The following FGF14 variants were observed in gnomAD, a reference collection of about 807,000 sequenced individuals.
The protein encoded by FGF14 is fibroblast growth factor homologous factor 4.
In FGF14, 5 loss-of-function variants were observed where a neutral mutation model predicts 25.5. The ratio of observed to expected loss-of-function variants is 0.20; its 90% confidence interval spans 0.10 to 0.41. The LOEUF (loss-of-function observed/expected upper bound fraction) is 0.41. Ranked by LOEUF, FGF14 falls within the 10% of genes least tolerant of loss-of-function variation. The pLI, the probability that FGF14 is intolerant of heterozygous loss-of-function variation, is 1.00. For missense variants in FGF14, 222 were observed against 320.1 expected (o/e 0.69, Z 2.34); for synonymous variants, 138 against 118.3 (o/e 1.17, Z -1.08).
intron 3 of FGF14, among the ~76,000 whole-genome samples, chr13:101,844,846 G>T (rs1193623886): frequency 6.6e-6 from 1 of 151,982 alleles, no homozygotes; most frequent in East Asian, 1.9e-4. Context: ...AAAGAGTTAT[G>T]GTGCAGAGTC....
chr13:102,072,822 T>A lies in FGF14; in HGVS notation c.209-197526A>T, dbSNP rs193170090. On this transcript the variant is annotated intron_variant, in intron 1 of 4. Transcript: ENST00000376131. ...GAAATAAGAGTTGTAAATTGAGGTC[T>A]CAAAATCAAATGTCTTACTGGAGGA... 2.6e-5 allele frequency among the ~76,000 whole-genome samples: 4 copies of A among 152,304 alleles called. No homozygotes were observed. The East Asian group carries it at 7.7e-4, about 29-fold the overall frequency.
chr13:101,715,608 G>T lies in FGF14; in HGVS notation c.*7223C>A. ...GGAAACTGTGAATGCTGGGATGGATGGAATGGAAATGCATGTGAAATCTGG... is the reference window on the plus strand; with the variant it reads ...GGAAACTGTGAATGCTGGGATGGATTGAATGGAAATGCATGTGAAATCTGG... On this transcript the variant is annotated 3_prime_UTR_variant, in exon 5 of 5. Coordinates refer to ENST00000376143, the MANE Select transcript of FGF14 (RefSeq NM_004115.4). 1 of 1,613,358 alleles carries T rather than the reference G, an allele frequency of 6.2e-7. No individual in the cohort carries two copies. The highest frequency in any genetic ancestry group is 8.5e-7 in the Non-Finnish European group (1 of 1,179,402).
At chr13:102,179,690 G>A (rs1013093051) in intron 1 of FGF14, among the ~76,000 whole-genome samples, 1 of 152,106 alleles carries the variant, frequency 6.6e-6, no homozygotes, top group African/African-American at 2.4e-5. Context: ...TTAAACACCT[G>A]TATGTTGGTT....
intron 1 of FGF14, among the ~76,000 whole-genome samples, chr13:102,281,895 C>G (rs2141217047): frequency 6.6e-6 from 1 of 152,130 alleles, no homozygotes; most frequent in East Asian, 1.9e-4. Context: ...ATGACCAGGT[C>G]AAGATTGATC....
intron 1 of FGF14, among the ~76,000 whole-genome samples, chr13:102,008,131 C>T (rs1670227671): frequency 1.3e-5 from 2 of 152,080 alleles, no homozygotes; most frequent in African/African-American, 2.4e-5. Context: ...CTATAATGAT[C>T]GCCAAGAGAA....
chr13:102,350,390 A>T (rs1327618453), intron 1 of FGF14, among the ~76,000 whole-genome samples: 3 of 151,996 alleles, frequency 2.0e-5, no homozygotes, highest in Non-Finnish European at 4.4e-5. Context: ...AAAAAAAAAA[A>T]AAATCATCTC....
At chr13:101,884,868 T>TAC (rs760286958) in intron 1 of FGF14, among the ~76,000 whole-genome samples, 7,380 of 73,168 alleles carry the variant, frequency 0.1, 204 homozygotes, top group African/African-American at 0.16. Flanking sequence ...GACACATACA[T>TAC]ACACACACAC....
At chr13:101,787,775 C>T (rs139675597) in intron 3 of FGF14, among the ~76,000 whole-genome samples, 42 of 152,322 alleles carry the variant, frequency 2.8e-4, no homozygotes, top group East Asian at 5.8e-4. Flanking sequence ...TGGGACTGTG[C>T]TTGGGTTTGG....
At chr13:102,105,253 A>G (rs2140300554) in intron 1 of FGF14, among the ~76,000 whole-genome samples, 1 of 152,298 alleles carries the variant, frequency 6.6e-6, no homozygotes, top group Non-Finnish European at 1.5e-5. Context: ...GTATTTTTCC[A>G]TTGTTTCAGG....
At chr13:102,159,209 T>A (rs1355261051) in intron 1 of FGF14, among the ~76,000 whole-genome samples, 1 of 148,418 alleles carries the variant, frequency 6.7e-6, no homozygotes, top group Non-Finnish European at 1.5e-5. Flanking sequence ...CATGAACATA[T>A]GAAAAACTAG....
chr13:102,393,051 G>A (rs2058471433), intron 1 of FGF14, among the ~76,000 whole-genome samples: 1 of 151,984 alleles, frequency 6.6e-6, no homozygotes. Flanking sequence ...AATCTTTGAC[G>A]CCCCCAAAGC....
intron 1 of FGF14, among the ~76,000 whole-genome samples, chr13:102,276,882 T>A (rs1007126216): frequency 6.6e-6 from 1 of 152,212 alleles, no homozygotes; most frequent in African/African-American, 2.4e-5. Flanking sequence ...TTACTTTGAC[T>A]AACTTGGTAG....
chr13:102,350,388 A>G (rs2138970339), intron 1 of FGF14, among the ~76,000 whole-genome samples: 1 of 152,092 alleles, frequency 6.6e-6, no homozygotes, highest in East Asian at 1.9e-4. Context: ...AAAAAAAAAA[A>G]AAAAATCATC....
intron 3 of FGF14, among the ~76,000 whole-genome samples, chr13:101,837,733 C>T (rs955198253): frequency 2.6e-5 from 4 of 152,016 alleles, no homozygotes; most frequent in African/African-American, 9.7e-5. Context: ...TTCAATTTAT[C>T]CTGAAATATA....
intron 1 of FGF14, among the ~76,000 whole-genome samples, chr13:102,317,778 C>G (rs72647477): frequency 0.045 from 6,799 of 152,192 alleles, 251 homozygotes; most frequent in East Asian, 0.13. Flanking sequence ...GCCTGCTTGG[C>G]CTTCTGTTAA....
chr13:102,217,457 A>G (rs1476594818), intron 1 of FGF14, among the ~76,000 whole-genome samples: 3 of 152,250 alleles, frequency 2.0e-5, no homozygotes, highest in Non-Finnish European at 4.4e-5. Context: ...AACTGTGCAG[A>G]AAATACCTCA....
chr13:102,023,675 A>T (rs1201145939), intron 1 of FGF14, among the ~76,000 whole-genome samples: 1 of 152,098 alleles, frequency 6.6e-6, no homozygotes, highest in East Asian at 1.9e-4. Flanking sequence ...TGGGCAATTC[A>T]TATCAATGGA....
At chr13:102,304,185 T>A (rs1204238494) in intron 1 of FGF14, among the ~76,000 whole-genome samples, 1 of 152,086 alleles carries the variant, frequency 6.6e-6, no homozygotes, top group Non-Finnish European at 1.5e-5. Context: ...TACACCTTGC[T>A]TTCTTCTCTG....
At chr13:102,210,495 A>G (rs2140918266) in intron 1 of FGF14, among the ~76,000 whole-genome samples, 1 of 152,322 alleles carries the variant, frequency 6.6e-6, no homozygotes, top group African/African-American at 2.4e-5. Context: ...TATAAATTTT[A>G]GGCTTCATTT....
Sources: allele counts gnomAD v4.1 joint callset (sites outside exome capture counted in the v4.1 genomes callset), GRCh38; gene constraint gnomAD v4.1.1; transcripts MANE v1.5; gene names NCBI Gene and HGNC (gene_info 2026-07-23, HGNC 2026-07-21).